The following NEMF variants were observed in gnomAD, a reference collection of about 807,000 sequenced individuals.
The protein encoded by NEMF is nuclear export mediator factor, also known as ribosome quality control complex subunit NEMF.
NEMF carries 89 observed loss-of-function variants against 162.2 expected under a neutral mutation model. The ratio of observed to expected loss-of-function variants is 0.55; its 90% confidence interval spans 0.46 to 0.65. The LOEUF (loss-of-function observed/expected upper bound fraction) is 0.65, where lower values mean the gene tolerates loss of function less well. Ranked by LOEUF, NEMF falls within the 30% of genes least tolerant of loss-of-function variation. The pLI, the probability that NEMF is intolerant of heterozygous loss-of-function variation, is 0.00. For missense variants in NEMF, 1,133 were observed against 1,261.9 expected (o/e 0.90, Z 1.55); for synonymous variants, 421 against 404.5 (o/e 1.04, Z -0.49).
intron 28 of NEMF, among the ~76,000 whole-genome samples, chr14:49,788,388 G>A (rs1890279821): frequency 6.6e-6 from 1 of 151,894 alleles, no homozygotes; most frequent in South Asian, 2.1e-4. Context: ...CATCTTAGCT[G>A]GAAAAATACG....
chr14:49,784,881 T>A (rs370331711), intron 32 of NEMF, 44 bp downstream of exon 32: 38 of 1,521,824 alleles, frequency 2.5e-5, no homozygotes, highest in Non-Finnish European at 3.4e-5. Context: ...CATTTTAAAT[T>A]GTACTGTCAG....
chr14:49,802,791 CAA>C, intron 20 of NEMF, 64 bp from the exon 21 acceptor site: 2 of 1,263,602 alleles, frequency 1.6e-6, no homozygotes, highest in Non-Finnish European at 2.2e-6. Context: ...GCTTGTAAAA[CAA>C]AAAAAAATTA....
intron 6 of NEMF, among the ~76,000 whole-genome samples, chr14:49,836,479 C>T (rs1892909616): frequency 6.6e-6 from 1 of 152,044 alleles, no homozygotes; most frequent in Non-Finnish European, 1.5e-5. Flanking sequence ...TGGTAAAACC[C>T]TGTCTCTACC....
intron 18 of NEMF, among the ~76,000 whole-genome samples, chr14:49,808,755 G>A (rs1262739928): frequency 2.0e-5 from 3 of 150,832 alleles, no homozygotes; most frequent in Non-Finnish European, 1.5e-5. Flanking sequence ...CCACTGACTG[G>A]CAGAAAATAC....
intron 18 of NEMF, among the ~76,000 whole-genome samples, chr14:49,809,920 T>C (rs985226759): frequency 5.3e-5 from 8 of 152,020 alleles, no homozygotes; most frequent in African/African-American, 1.9e-4. Context: ...GATGTGTCAA[T>C]GTAGGTTCAT....
chr14:49,841,161 C>T (rs1893182008), intron 4 of NEMF, among the ~76,000 whole-genome samples: 1 of 122,604 alleles, frequency 8.2e-6, no homozygotes, highest in African/African-American at 3.2e-5. Context: ...CGCACCACTG[C>T]ATTCCAGCCT....
intron 11 of NEMF, among the ~76,000 whole-genome samples, chr14:49,830,319 T>C (rs1157923538): frequency 6.6e-6 from 1 of 152,226 alleles, no homozygotes; most frequent in African/African-American, 2.4e-5. Context: ...CTGACTGGCC[T>C]ACCTGCTTTG....
chr14:49,837,520 G>A (rs770775102), intron 6 of NEMF, among the ~76,000 whole-genome samples: 1 of 151,886 alleles, frequency 6.6e-6, no homozygotes, highest in African/African-American at 2.4e-5. Flanking sequence ...AAAAAGAAAA[G>A]AAATTTGCAT....
chr14:49,797,251 T>G (rs1890732370), intron 25 of NEMF: 1 of 152,056 alleles, frequency 6.6e-6, no homozygotes, highest in Admixed American at 6.6e-5. Context: ...TTTAGTTTGC[T>G]TAGTCTTTCC....
In NEMF at chr14:49,782,712, CCAGTTCCTATGAAAAT is replaced by C; in HGVS notation, c.*1908_*1923del. ...GGGCAATAAAACTTCATTGCTATAACCAGTTCCTATGAAAATCTTTGAAGAAAGAAAGAGGGATGTT... is the reference window on the plus strand; with the variant it reads ...GGGCAATAAAACTTCATTGCTATAACCTTTGAAGAAAGAAAGAGGGATGTT... On this transcript the variant is annotated 3_prime_UTR_variant, in exon 33 of 33. Transcript: ENST00000298310. 1 of 1,389,932 alleles carries C rather than the reference CCAGTTCCTATGAAAAT, an allele frequency of 7.2e-7. No homozygotes were observed. Among genetic ancestry groups the C allele is most frequent in the Non-Finnish European group, 9.9e-7 (1 of 1,012,752 alleles). 86.1% of individuals were successfully genotyped at this position (1,389,932 alleles called of 1,614,324 possible).
chr14:49,808,321 C>T (rs1400504224), intron 18 of NEMF, among the ~76,000 whole-genome samples: 1 of 151,914 alleles, frequency 6.6e-6, no homozygotes, highest in Non-Finnish European at 1.5e-5. Flanking sequence ...TACAGGCACC[C>T]GCCATCATAC....
chr14:49,821,636 G>C (rs1203092068), intron 16 of NEMF, among the ~76,000 whole-genome samples: 7 of 96,112 alleles, frequency 7.3e-5, no homozygotes, highest in African/African-American at 1.2e-4. Flanking sequence ...GGAGGGAGGT[G>C]GGGGGCTCAG....
chr14:49,845,479 T>C (rs963052463), intron 4 of NEMF, among the ~76,000 whole-genome samples: 29 of 152,226 alleles, frequency 1.9e-4, no homozygotes, highest in African/African-American at 6.5e-4. Flanking sequence ...TAACCTTTGC[T>C]TCCTGGAACT....
chr14:49,789,407 G>C (rs921171672), intron 27 of NEMF, 64 bp from the exon 28 acceptor site: 5 of 1,608,578 alleles, frequency 3.1e-6, no homozygotes, highest in Non-Finnish European at 1.7e-6. Flanking sequence ...ATTTTAACAA[G>C]AATGTATTGA....
In NEMF at chr14:49,851,884, A is replaced by T; in HGVS notation, c.60-9T>A. 4 of 1,536,702 alleles carry T rather than the reference A, an allele frequency of 2.6e-6. No homozygotes were observed. The African/African-American group carries it at 5.5e-5, about 21-fold the overall frequency. ...CTCTCATTCCTAGCAAGCTGCAAAG[A>T]TAAAGGAAACATGTAACATGTTACA... is the stretch of plus-strand genomic sequence containing the variant. On this transcript the variant is annotated splice_polypyrimidine_tract_variant and intron_variant, in intron 1 of 32. Transcript: ENST00000298310.
At chr14:49,789,599 G>A (rs1890347302) in intron 26 of NEMF, 26 bp from the exon 27 acceptor site, 1 of 1,593,546 alleles carries the variant, frequency 6.3e-7, no homozygotes, top group South Asian at 1.2e-5. Context: ...ATTTTGGTTG[G>A]AAATATTCAG....
Position 49,840,837 on chromosome 14 carries a change from G to T in NEMF, c.387C>A (p.Tyr129Ter). ...GAAACCTTAGAATATTTAAAATTAC[G>T]TACTCATAATCTGTAAGAACAATGT... is the stretch of plus-strand genomic sequence containing the variant. ...RGNIVLTDYE[Y>*]VILNILRFRT... The change falls in exon 5 of 33, where the codon TAC (tyrosine) becomes TAA (stop). Residue 129 changes from tyrosine (Y) to a stop codon, truncating the protein, a stop_gained. Transcript: ENST00000298310. LOFTEE classifies it high-confidence loss of function. 5 of 1,610,430 alleles carry T rather than the reference G, an allele frequency of 3.1e-6. No homozygotes were observed. Among genetic ancestry groups the T allele is most frequent in the Non-Finnish European group, 4.2e-6 (5 of 1,178,518 alleles).
intron 13 of NEMF, 119 bp from the exon 14 acceptor site, chr14:49,828,926 A>T: frequency 7.9e-7 from 1 of 1,272,096 alleles, no homozygotes; most frequent in Non-Finnish European, 1.1e-6. Context: ...TATTTATTTT[A>T]ATCTAAATTA....
chr14:49,800,305 T>C (rs1890895119), intron 23 of NEMF, 115 bp downstream of exon 23: 2 of 831,186 alleles, frequency 2.4e-6, no homozygotes, highest in Non-Finnish European at 3.7e-6. Flanking sequence ...GAAAAAGTAT[T>C]AAGACAATGG....
Sources: allele counts gnomAD v4.1 joint callset (sites outside exome capture counted in the v4.1 genomes callset), GRCh38; gene constraint gnomAD v4.1.1; transcripts MANE v1.5; gene names NCBI Gene and HGNC (gene_info 2026-07-23, HGNC 2026-07-21).